Variants in B3GLCT observed in about 807,000 individuals in gnomAD.
The protein encoded by B3GLCT is beta 3-glucosyltransferase.
Under a neutral mutation model 63.4 loss-of-function variants are expected in B3GLCT, and 65 were observed. The observed-to-expected ratio is 1.03, with a 90% confidence interval of 0.84 to 1.26. B3GLCT has a LOEUF of 1.26. Ranked by LOEUF, B3GLCT falls within the 50% of genes most tolerant of loss-of-function variation. The pLI is 0.00. For synonymous variants in B3GLCT, 233 were observed against 219.2 expected (o/e 1.06, Z -0.55); for missense variants, 577 against 604.8 (o/e 0.95, Z 0.48).
At position 31,247,113 on chromosome 13, in the gene B3GLCT, ACTCACC is replaced by A. The variant is rs1403341622; in HGVS notation, c.347+15_347+20del. On this transcript the variant is annotated intron_variant, in intron 5 of 14. Transcript: ENST00000343307. ...GTTGTTACCGCAGTACGTTTGTTTA[ACTCACC>A]TGTGAATTACTGACATTCCTACCTG... The A allele has an allele frequency of 4.4e-6, 7 of 1,598,054 alleles. No homozygotes were observed. The highest frequency in any genetic ancestry group is 1.7e-4 in the Middle Eastern group (1 of 6,036).
intron 6 of B3GLCT, among the ~76,000 whole-genome samples, chr13:31,253,120 A>G (rs1441808775): frequency 6.6e-6 from 1 of 152,192 alleles, no homozygotes; most frequent in Non-Finnish European, 1.5e-5. Context: ...CTACTGGGTA[A>G]ATAACGAAAC....
At chr13:31,215,232 A>G in intron 2 of B3GLCT, 132 bp downstream of exon 2, 1 of 986,004 alleles carries the variant, frequency 1.0e-6, no homozygotes, top group Non-Finnish European at 1.5e-6. Context: ...TGTGGTCAAC[A>G]TGGATTTTGA....
At chr13:31,223,918 A>G (rs1566048007) in intron 3 of B3GLCT, among the ~76,000 whole-genome samples, 1 of 152,168 alleles carries the variant, frequency 6.6e-6, no homozygotes, top group Non-Finnish European at 1.5e-5. Context: ...CCAGGAAACA[A>G]GAAGGGAACA....
At chr13:31,258,726 A>G (rs920297783) in intron 6 of B3GLCT, among the ~76,000 whole-genome samples, 5 of 152,012 alleles carry the variant, frequency 3.3e-5, no homozygotes, top group Non-Finnish European at 5.9e-5. Flanking sequence ...GATATTCTCT[A>G]TCTTTAATTT....
chr13:31,269,166 TTG>T, intron 7 of B3GLCT, 46 bp from the exon 8 acceptor site: 1 of 1,291,552 alleles, frequency 7.7e-7, no homozygotes, highest in Admixed American at 1.7e-5. Flanking sequence ...TTAGTCTTGC[TTG>T]ACACTTCTTT....
chr13:31,226,313 A>C (rs1304358006), intron 3 of B3GLCT, among the ~76,000 whole-genome samples: 2 of 152,204 alleles, frequency 1.3e-5, no homozygotes, highest in African/African-American at 4.8e-5. Context: ...GTAGGTACTC[A>C]GAAGATGTTT....
chr13:31,276,297 T>C (rs1330990459), intron 9 of B3GLCT, among the ~76,000 whole-genome samples: 3 of 152,206 alleles, frequency 2.0e-5, no homozygotes. Context: ...AAATCCCCCC[T>C]ATTTCTCTCT....
chr13:31,226,780 T>G (rs975499566), intron 3 of B3GLCT, among the ~76,000 whole-genome samples: 1 of 152,090 alleles, frequency 6.6e-6, no homozygotes, highest in Admixed American at 6.6e-5. Context: ...AAAAAAGTAT[T>G]AGGAAATAAT....
intron 6 of B3GLCT, among the ~76,000 whole-genome samples, chr13:31,256,579 A>C (rs998243747): frequency 1.3e-5 from 2 of 152,214 alleles, no homozygotes; most frequent in African/African-American, 4.8e-5. Flanking sequence ...ACACCATGGA[A>C]TACTATGCAG....
At chr13:31,242,642 G>A (rs1476889809) in intron 4 of B3GLCT, among the ~76,000 whole-genome samples, 1 of 152,152 alleles carries the variant, frequency 6.6e-6, no homozygotes, top group East Asian at 1.9e-4. Flanking sequence ...AAAGGAATTT[G>A]GCTCCAAAAA....
intron 12 of B3GLCT, among the ~76,000 whole-genome samples, chr13:31,292,883 T>G (rs145563922): frequency 1.9e-3 from 284 of 152,288 alleles, no homozygotes; most frequent in African/African-American, 6.3e-3. Context: ...CTTCTCTAGT[T>G]CTTTTAATTG....
At chr13:31,262,921 T>C (rs1035285533) in intron 7 of B3GLCT, among the ~76,000 whole-genome samples, 2 of 152,218 alleles carry the variant, frequency 1.3e-5, no homozygotes, top group African/African-American at 2.4e-5. Context: ...TTGGGACTTA[T>C]AACCTCTGTA....
intron 6 of B3GLCT, among the ~76,000 whole-genome samples, chr13:31,253,974 CAAG>C (rs1190031947): frequency 4.6e-5 from 7 of 152,062 alleles, no homozygotes; most frequent in Middle Eastern, 3.4e-3. Flanking sequence ...AAGACTAAAC[CAAG>C]AAGAAGTCGA....
intron 12 of B3GLCT, among the ~76,000 whole-genome samples, chr13:31,316,449 A>G (rs1875037052): frequency 8.2e-6 from 1 of 121,996 alleles, no homozygotes; most frequent in South Asian, 2.7e-4. Flanking sequence ...TTTTTTTGAG[A>G]CGGAGTTTCG....
At chr13:31,323,943 T>A in intron 14 of B3GLCT, 48 bp downstream of exon 14, 1 of 1,602,834 alleles carries the variant, frequency 6.2e-7, no homozygotes, top group Non-Finnish European at 8.5e-7. Context: ...GAGGGACAGA[T>A]TCTTCTCACT....
chr13:31,285,417 T>G (rs1873271235), intron 11 of B3GLCT, among the ~76,000 whole-genome samples: 1 of 152,054 alleles, frequency 6.6e-6, no homozygotes, highest in Admixed American at 6.6e-5. Flanking sequence ...CTGTACAATA[T>G]GTCGATGTTA....
intron 12 of B3GLCT, among the ~76,000 whole-genome samples, chr13:31,294,862 G>A (rs1873852290): frequency 6.6e-6 from 1 of 151,960 alleles, no homozygotes; most frequent in African/African-American, 2.4e-5. Flanking sequence ...CTGGTGAAGA[G>A]TTGTTATCCT....
At chr13:31,218,738 A>G (rs1262715945) in intron 2 of B3GLCT, among the ~76,000 whole-genome samples, 1 of 152,136 alleles carries the variant, frequency 6.6e-6, no homozygotes, top group Non-Finnish European at 1.5e-5. Flanking sequence ...TATATTGAAT[A>G]GGAGTGGTGA....
intron 4 of B3GLCT, among the ~76,000 whole-genome samples, chr13:31,237,936 C>T (rs1207805840): frequency 6.6e-6 from 1 of 152,122 alleles, no homozygotes; most frequent in Non-Finnish European, 1.5e-5. Flanking sequence ...ATTTGCCCAC[C>T]ATGAACATTC....
Sources: gnomAD v4.1 joint callset for allele counts (sites outside exome capture counted in the v4.1 genomes callset) on GRCh38, gnomAD v4.1.1 for gene constraint, MANE v1.5 for transcripts, NCBI Gene and HGNC (gene_info 2026-07-23, HGNC 2026-07-21) for gene names.